The following RGS12 variants were observed in gnomAD, a reference collection of about 807,000 sequenced individuals.
The protein encoded by RGS12 is regulator of G-protein signaling 12.
RGS12 carries 66 observed loss-of-function variants against 120.1 expected under a neutral mutation model. The observed-to-expected ratio is 0.55, with a 90% CI of 0.45 to 0.67. RGS12 has a LOEUF of 0.67. Among genes scored for constraint, RGS12 ranks in the 30% least tolerant of loss-of-function variants. The probability of loss-of-function intolerance (pLI) is 0.00; values close to 1 mark genes in which losing one functional copy is unlikely to be tolerated. For missense variants in RGS12, 1,859 were observed against 1,957.7 expected, an observed-to-expected ratio of 0.95 and a Z score of 0.95; for synonymous variants, 827 against 804.7, an observed-to-expected ratio of 1.03 and a Z score of -0.47.
intron 3 of RGS12, among the ~76,000 whole-genome samples, chr4:3,359,649 G>A (rs1205719746): frequency 7.3e-6 from 1 of 136,608 alleles, no homozygotes; most frequent in Non-Finnish European, 1.6e-5. Flanking sequence ...TTGAGGCAGT[G>A]TCTTACTCTT....
Position 3,365,498 on chromosome 4 carries a change from C to T in RGS12, c.1999-20918C>T, listed in dbSNP as rs1431925352. 6.6e-6 allele frequency among the ~76,000 whole-genome samples: 1 copy of T among 152,130 alleles called. No homozygotes were observed. The highest frequency in any genetic ancestry group is 1.5e-5 in the Non-Finnish European group (1 of 68,034). On this transcript the variant is annotated intron_variant, in intron 3 of 17. Coordinates refer to ENST00000336727, the MANE Select transcript of RGS12 (RefSeq NM_001394154.1). This position sits in a 1 kb window ranked among gnomAD's most constrained non-coding sequence, Gnocchi z 4.0. ...AGGCCTGTACTGTGATCTTGCCCAT[C>T]CAGAGCTGTAAATCCCAGCAAAAAC...
At chr4:3,286,014 G>A in the RGS12 span, among the ~76,000 whole-genome samples, 2 of 152,242 alleles carry the variant, frequency 1.3e-5, no homozygotes, top group African/African-American at 4.8e-5. Context: ...TCCAGGGACC[G>A]CTGGGGCCGT....
chr4:3,294,361 G>A (rs1723245228), intron 1 of RGS12, among the ~76,000 whole-genome samples: 1 of 152,264 alleles, frequency 6.6e-6, no homozygotes, highest in Non-Finnish European at 1.5e-5. Flanking sequence ...CTGCTGGGGT[G>A]GAGTCCTGCT....
At chr4:3,303,372 G>A (rs866055187) in intron 1 of RGS12, among the ~76,000 whole-genome samples, 3 of 152,238 alleles carry the variant, frequency 2.0e-5, no homozygotes, top group Non-Finnish European at 4.4e-5. Flanking sequence ...TGGGGACACA[G>A]GTGACAGCCA....
intron 4 of RGS12, among the ~76,000 whole-genome samples, chr4:3,406,346 C>T (rs1721119685): frequency 6.6e-6 from 1 of 152,268 alleles, no homozygotes; most frequent in African/African-American, 2.4e-5. Flanking sequence ...CAAGCTCTGC[C>T]TTCTACAGCC....
At chr4:3,349,559 A>G (rs1323095500) in intron 3 of RGS12, among the ~76,000 whole-genome samples, 1 of 152,142 alleles carries the variant, frequency 6.6e-6, no homozygotes, top group East Asian at 1.9e-4. Flanking sequence ...TTTTTTCAAT[A>G]AAGAACACAT....
chr4:3,431,417 A>G (rs1029831969), intron 17 of RGS12: 45 of 999,500 alleles, frequency 4.5e-5, no homozygotes, highest in Non-Finnish European at 5.4e-5. Context: ...TCCCAGACAC[A>G]GGCCCGTCCT....
chr4:3,355,151 A>C (rs1450582022), intron 3 of RGS12, among the ~76,000 whole-genome samples: 2 of 152,226 alleles, frequency 1.3e-5, no homozygotes, highest in African/African-American at 4.8e-5. Flanking sequence ...AAAATGAATC[A>C]ATTTAACTTA....
intron 1 of RGS12, among the ~76,000 whole-genome samples, chr4:3,294,079 G>A (rs1723230651): frequency 1.0e-5 from 1 of 95,716 alleles, no homozygotes; most frequent in Non-Finnish European, 2.1e-5. Flanking sequence ...TGTGTCCCTG[G>A]GCAGGTGACC....
chr4:3,326,866 C>A (rs781658258), intron 2 of RGS12, among the ~76,000 whole-genome samples: 3 of 152,142 alleles, frequency 2.0e-5, no homozygotes, highest in East Asian at 1.9e-4. Flanking sequence ...TAATTAATAT[C>A]ATTAAAGTGA....
chr4:3,292,875 C>CTCGCCCCGCCCCGTGCCCCGCCCCCGCA (rs1166100105), upstream of RGS12, among the ~76,000 whole-genome samples: 1 of 151,630 alleles, frequency 6.6e-6, no homozygotes, highest in Non-Finnish European at 1.5e-5. Flanking sequence ...CGCGAAGGCC[C>CTCGCCCCGCCCCGTGCCCCGCCCCCGCA]TCGCCCCGCC....
intron 2 of RGS12, among the ~76,000 whole-genome samples, chr4:3,338,051 C>T (rs901061056): frequency 6.6e-6 from 1 of 152,032 alleles, no homozygotes; most frequent in South Asian, 2.1e-4. Flanking sequence ...AACTGATGGT[C>T]GCATGGGATG....
chr4:3,423,556 C>T lies in RGS12; in HGVS notation c.3149C>T (p.Ala1050Val). ...VPINRSVGLK[A>V]KPTKPVTEVL... Reference sequence around the variant, plus strand: ...ATTAACCGGTCAGTGGGACTCAAGGCCAAGCCCACCAAGCCCGTCACGGAG... The same window carrying T: ...ATTAACCGGTCAGTGGGACTCAAGGTCAAGCCCACCAAGCCCGTCACGGAG... Residue 1050 changes from alanine (A) to valine (V), a missense_variant, in exon 13 of 18, where the codon GCC becomes GTC. Coordinates refer to ENST00000336727, the MANE Select transcript of RGS12 (RefSeq NM_001394154.1). 4.3e-6 allele frequency: 7 copies of T among 1,612,990 alleles called. No homozygotes were observed. The highest frequency in any genetic ancestry group is 5.9e-6 in the Non-Finnish European group (7 of 1,179,944).
At chr4:3,382,776 A>G (rs1343630291) in intron 3 of RGS12, among the ~76,000 whole-genome samples, 1 of 152,124 alleles carries the variant, frequency 6.6e-6, no homozygotes, top group Non-Finnish European at 1.5e-5. Flanking sequence ...TTCCTATTGA[A>G]TCTTTAACTT....
intron 4 of RGS12, chr4:3,407,413 A>T (rs1310462119): frequency 6.6e-6 from 1 of 152,230 alleles, no homozygotes; most frequent in Non-Finnish European, 1.5e-5. Flanking sequence ...TGGGAGTGTG[A>T]GCTCAGGAGC....
chr4:3,432,210 T>A, intron 17 of RGS12: 1 of 961,820 alleles, frequency 1.0e-6, no homozygotes, highest in Non-Finnish European at 1.2e-6. Context: ...CATTTGAAAC[T>A]TTGTTTCCAC....
chr4:3,342,953 G>A lies in RGS12; in HGVS notation c.1898G>A (p.Arg633Gln), dbSNP rs61748736. ...CGTGTTTAGGGCTCAAAATTTGGGCGGGGAACTGGACTCACTCAGCCTTCT... is the reference window on the plus strand; with the variant it reads ...CGTGTTTAGGGCTCAAAATTTGGGCAGGGAACTGGACTCACTCAGCCTTCT... ...KEDKKGSKFG[R>Q]GTGLTQPSQR... The change falls in exon 3 of 18, where the codon CGG (arginine) becomes CAG (glutamine). Residue 633 changes from arginine to glutamine, a missense_variant. Physicochemically the swap from Arg to Gln is conservative, Grantham distance 43. Around this residue, in one of 3 missense-constraint regions of RGS12, gnomAD observed 967 missense variants for 994.2 expected, o/e 0.97. Transcript: ENST00000336727. 81,011 of 1,612,600 alleles carry A rather than the reference G, an allele frequency of 0.05. 2,340 individuals carry two copies. Among genetic ancestry groups the A allele is most frequent in the South Asian group, 0.087 (7,881 of 91,032 alleles).
At position 3,414,080 on chromosome 4, in the gene RGS12, G is replaced by A; in HGVS notation, c.2029G>A (p.Gly677Ser). 1 of 1,561,520 alleles carries A rather than the reference G, an allele frequency of 6.4e-7. No homozygotes were observed. The highest frequency in any genetic ancestry group is 1.2e-5 in the South Asian group (1 of 86,596). ...SATVSDGELT[G>S]ADLKDCVSNN... ...CTGTGCTGGTCCCGCAGAGTTGACG[G>A]GCGCCGACCTGAAGGACTGCGTCAG... The change falls in exon 5 of 18, where the codon GGC (glycine) becomes AGC (serine). Residue 677 changes from glycine to serine, a missense_variant. Around this residue, in one of 3 missense-constraint regions of RGS12, gnomAD observed 967 missense variants for 994.2 expected, o/e 0.97. Transcript: ENST00000336727.
At chr4:3,373,772 C>T (rs1054731576) in intron 3 of RGS12, among the ~76,000 whole-genome samples, 4 of 152,210 alleles carry the variant, frequency 2.6e-5, no homozygotes, top group African/African-American at 4.8e-5. Context: ...GAGTCTGTGC[C>T]GGCGAGCATC....
Sources: gnomAD v4.1 joint callset for allele counts (sites outside exome capture counted in the v4.1 genomes callset) on GRCh38, gnomAD v4.1.1 for gene constraint, gnomAD v4.1.1 regional missense constraint, Gnocchi (gnomAD v3.1) non-coding constraint, MANE v1.5 for transcripts, NCBI Gene and HGNC (gene_info 2026-07-23, HGNC 2026-07-21) for gene names.